Variants in LRBA observed in about 807,000 individuals in gnomAD.
LRBA encodes LPS responsive beige-like anchor protein, also known as lipopolysaccharide-responsive and beige-like anchor protein.
Under a neutral mutation model 330.0 loss-of-function variants are expected in LRBA, and 176 were observed. The ratio of observed to expected loss-of-function variants is 0.53; its 90% CI spans 0.47 to 0.60. The LOEUF is 0.60. LRBA is among the 20% of genes least tolerant of loss of function. The probability of loss-of-function intolerance (pLI) is 0.00; values close to 1 mark genes in which losing one functional copy is unlikely to be tolerated. For missense variants in LRBA, 3,259 were observed against 3,444.8 expected (o/e 0.95, Z 1.35); for synonymous variants, 1,230 against 1,193.0 (o/e 1.03, Z -0.64).
intron 14 of LRBA, among the ~76,000 whole-genome samples, chr4:150,898,113 T>G (rs761459472): frequency 1.3e-5 from 2 of 152,070 alleles, no homozygotes; most frequent in Non-Finnish European, 2.9e-5. Flanking sequence ...AAATAAAATT[T>G]GTATTCAATA....
At chr4:150,352,072 G>A (rs1439858616) in intron 47 of LRBA, among the ~76,000 whole-genome samples, 2 of 152,180 alleles carry the variant, frequency 1.3e-5, no homozygotes, top group African/African-American at 4.8e-5. Context: ...GGAGACTGCT[G>A]TACCAACTTA....
At chr4:150,759,156 G>C (rs1423200719) in intron 35 of LRBA, among the ~76,000 whole-genome samples, 1 of 151,988 alleles carries the variant, frequency 6.6e-6, no homozygotes, top group African/African-American at 2.4e-5. Flanking sequence ...GCTCTAACAA[G>C]TCACCCACCT....
At chr4:150,579,259 C>A (rs1770911751) in intron 40 of LRBA, 1 of 456,590 alleles carries the variant, frequency 2.2e-6, no homozygotes, top group South Asian at 1.5e-5. Flanking sequence ...CAATTACAGC[C>A]TCCTCGGATA....
At chr4:150,426,019 T>C (rs993301435) in intron 46 of LRBA, among the ~76,000 whole-genome samples, 3 of 152,116 alleles carry the variant, frequency 2.0e-5, no homozygotes, top group African/African-American at 7.2e-5. Flanking sequence ...CAATATATTA[T>C]AAAAATATAA....
At chr4:151,015,517 C>G (rs999865285), upstream of LRBA, 3 of 152,880 alleles carry the variant, frequency 2.0e-5, no homozygotes, top group African/African-American at 7.2e-5. Context: ...CCCGGGAGTC[C>G]GCGGCTGCAC....
chr4:150,891,173 G>A (rs996544466), intron 17 of LRBA, among the ~76,000 whole-genome samples: 2 of 152,062 alleles, frequency 1.3e-5, no homozygotes, highest in African/African-American at 4.8e-5. Context: ...GCTATCATAC[G>A]ACCTATCCAT....
intron 34 of LRBA, among the ~76,000 whole-genome samples, chr4:150,787,591 A>T (rs1406186689): frequency 1.3e-5 from 2 of 152,196 alleles, no homozygotes; most frequent in Non-Finnish European, 2.9e-5. Flanking sequence ...TGATACAGGC[A>T]TGCAATGCAT....
chr4:150,509,184 A>C, intron 40 of LRBA, among the ~76,000 whole-genome samples: 1 of 152,270 alleles, frequency 6.6e-6, no homozygotes, highest in East Asian at 1.9e-4. Context: ...CATATTATTA[A>C]AACATCACAC....
At chr4:150,978,503 T>C (rs1372235681) in intron 2 of LRBA, among the ~76,000 whole-genome samples, 4 of 152,110 alleles carry the variant, frequency 2.6e-5, no homozygotes, top group Admixed American at 2.6e-4. Context: ...CAACACTTCC[T>C]AGGAAAACAT....
chr4:150,397,506 A>T (rs954734057), intron 47 of LRBA, among the ~76,000 whole-genome samples: 1 of 152,138 alleles, frequency 6.6e-6, no homozygotes, highest in Non-Finnish European at 1.5e-5. Context: ...TCAAACTCCC[A>T]GGCTCAAGCA....
chr4:150,685,141 T>C (rs1554079374), intron 36 of LRBA, among the ~76,000 whole-genome samples: 1 of 151,500 alleles, frequency 6.6e-6, no homozygotes, highest in Non-Finnish European at 1.5e-5. Flanking sequence ...ATGGCCAAAA[T>C]GAGAGCAGAA....
chr4:150,392,021 A>G (rs1482388175), intron 47 of LRBA, among the ~76,000 whole-genome samples: 1 of 151,586 alleles, frequency 6.6e-6, no homozygotes, highest in Non-Finnish European at 1.5e-5. Context: ...TTTCTTACTG[A>G]AACATCTGCC....
intron 37 of LRBA, among the ~76,000 whole-genome samples, chr4:150,680,749 T>G (rs1479550565): frequency 6.6e-6 from 1 of 152,166 alleles, no homozygotes; most frequent in Non-Finnish European, 1.5e-5. Context: ...CTATACTGAA[T>G]GTAGCACCTG....
At chr4:150,548,719 A>C (rs909688293) in intron 40 of LRBA, among the ~76,000 whole-genome samples, 7 of 152,212 alleles carry the variant, frequency 4.6e-5, no homozygotes, top group Admixed American at 4.6e-4. Flanking sequence ...CAACTCAATA[A>C]GTGCTACTTA....
intron 34 of LRBA, among the ~76,000 whole-genome samples, chr4:150,764,511 A>G (rs1322257519): frequency 6.6e-6 from 1 of 152,054 alleles, no homozygotes; most frequent in Non-Finnish European, 1.5e-5. Context: ...AACAAGTCAC[A>G]CACTGGGATA....
chr4:150,589,577 C>T (rs1772563729), intron 39 of LRBA, among the ~76,000 whole-genome samples: 1 of 152,198 alleles, frequency 6.6e-6, no homozygotes, highest in Non-Finnish European at 1.5e-5. Flanking sequence ...CACTCTCAGA[C>T]ATTCAATTAC....
intron 48 of LRBA, 55 bp from the exon 49 acceptor site, chr4:150,325,953 G>A: frequency 3.3e-6 from 3 of 920,202 alleles, no homozygotes; most frequent in Non-Finnish European, 5.4e-6. Context: ...ACAGGAAATA[G>A]AACCCCAACT....
chr4:151,008,969 C>CAG (rs1744451762), intron 2 of LRBA, among the ~76,000 whole-genome samples: 1 of 1,884 alleles, frequency 5.3e-4, no homozygotes, highest in African/African-American at 6.8e-4. Flanking sequence ...GACTCCATCT[C>CAG]AAAAAAAAAA....
intron 52 of LRBA, among the ~76,000 whole-genome samples, chr4:150,303,113 C>T: frequency 6.6e-6 from 1 of 152,150 alleles, no homozygotes. Context: ...TAAAGCAGGC[C>T]CAGGAGAACC....
Sources: gnomAD v4.1 joint callset for allele counts (sites outside exome capture counted in the v4.1 genomes callset) on GRCh38, gnomAD v4.1.1 for gene constraint, MANE v1.5 for transcripts, NCBI Gene and HGNC (gene_info 2026-07-23, HGNC 2026-07-21) for gene names.